The following PACS2 variants were observed in gnomAD, a reference collection of about 807,000 sequenced individuals.
PACS2 encodes the protein PACS1-like protein.
In PACS2, 36 loss-of-function variants were observed where a neutral mutation model predicts 113.0. That is an observed-to-expected ratio of 0.32 (90% CI 0.24 to 0.42). The LOEUF (loss-of-function observed/expected upper bound fraction) is 0.42, where lower values mean the gene tolerates loss of function less well. Among genes scored for constraint, PACS2 ranks in the 10% least tolerant of loss-of-function variants. The pLI is 1.00. For synonymous variants in PACS2, 589 were observed against 536.1 expected, an observed-to-expected ratio of 1.10 and a Z score of -1.36; for missense variants, 1,015 against 1,239.5, an observed-to-expected ratio of 0.82 and a Z score of 2.72.
chr14:105,360,109 A>G (rs1242826270), intron 4 of PACS2, among the ~76,000 whole-genome samples: 1 of 152,208 alleles, frequency 6.6e-6, no homozygotes, highest in African/African-American at 2.4e-5. Context: ...CCCCAATAAA[A>G]ACGGATATTG....
At position 105,391,258 on chromosome 14, in the gene PACS2, G is replaced by T; in HGVS notation, c.2119+9G>T. Reference sequence around the variant, plus strand: ...ATCCTCGGCCACATCAGGTAACCCCGTCCCACCCTGAGGCCTTGTGAGTGG... The same window carrying T: ...ATCCTCGGCCACATCAGGTAACCCCTTCCCACCCTGAGGCCTTGTGAGTGG... On this transcript the variant is annotated intron_variant, in intron 21 of 24. Coordinates refer to ENST00000447393, the MANE Select transcript of PACS2 (RefSeq NM_001100913.3). The T allele has an allele frequency of 3.7e-6, 6 of 1,609,194 alleles. No homozygotes were observed. Among genetic ancestry groups the T allele is most frequent in the Non-Finnish European group, 5.1e-6 (6 of 1,175,874 alleles).
At position 105,394,693 on chromosome 14, in the gene PACS2, ACCTCCTG is replaced by A. The variant is rs782201116; in HGVS notation, c.*24_*30del. The A allele has an allele frequency of 4.8e-6, 7 of 1,468,078 alleles. No homozygotes were observed. Among genetic ancestry groups the A allele is most frequent in the Non-Finnish European group, 6.7e-6 (7 of 1,047,194 alleles). 90.9% of individuals were successfully genotyped at this position (1,468,078 alleles called of 1,614,324 possible). ...TCTAGCCCCACCCACCAGGGGGCCC[ACCTCCTG>A]CCCCATGCTGTGAGGGGCCCAGCTG... On this transcript the variant is annotated 3_prime_UTR_variant, in exon 25 of 25. Transcript: ENST00000447393.
rs376520036 is a variant in PACS2 at position 105,368,569 on chromosome 14, G to C, written c.741+30G>C. 388 of 1,559,882 alleles carry C rather than the reference G, an allele frequency of 2.5e-4. 1 individual carries two copies. Among genetic ancestry groups the C allele is most frequent in the Non-Finnish European group, 5.8e-5 (66 of 1,130,784 alleles). On this transcript the variant is annotated intron_variant, in intron 7 of 24. Transcript: ENST00000447393. ...GTGGAGACTGCTTCTATGAATGCTG[G>C]GGAAGGCGAGGGTCGGGGAGGACGC...
rs1199397631 is a variant in PACS2 at position 105,323,081 on chromosome 14, A to G, written c.119+8044A>G. On this transcript the variant is annotated intron_variant, in intron 1 of 24. Transcript: ENST00000447393. This position sits in a 1 kb window ranked among gnomAD's most constrained non-coding sequence, Gnocchi z 4.1. ...GAGACGTCTGGGTGGCTTTGTGGTC[A>G]TGTCATCGTTGCCAACGGTCGTCTC... Among the ~76,000 whole-genome samples the G allele has an allele frequency of 6.6e-6, 1 of 152,096 alleles. No homozygotes were observed. Among genetic ancestry groups the G allele is most frequent in the African/African-American group, 2.4e-5 (1 of 41,406 alleles).
In PACS2 at chr14:105,382,587, G is replaced by C. The variant is rs370156226; in HGVS notation, c.1518+6G>C. 6.4e-7 allele frequency: 1 copy of C among 1,564,030 alleles called. No individual in the cohort carries two copies. Among genetic ancestry groups the C allele is most frequent in the Admixed American group, 1.7e-5 (1 of 59,984 alleles). On this transcript the variant is annotated splice_donor_region_variant and intron_variant, in intron 14 of 24. Transcript: ENST00000447393. ...CCTCGGACTGGCAGGGGCAGGTAGA[G>C]GGGCAGTCTCTTGGAGTGGAGGGTC...
At chr14:105,362,241 A>AT in intron 4 of PACS2, among the ~76,000 whole-genome samples, 1 of 150,660 alleles carries the variant, frequency 6.6e-6, no homozygotes, top group East Asian at 2.0e-4. Flanking sequence ...ACACAGTGAA[A>AT]CACCGTCTCT....
intron 11 of PACS2, 22 bp downstream of exon 11, chr14:105,380,176 C>T (rs1555411591): frequency 6.5e-7 from 1 of 1,540,272 alleles, no homozygotes; most frequent in South Asian, 1.2e-5. Flanking sequence ...TGGGCCGCAC[C>T]CACCCGTTCC....
At chr14:105,335,583 C>G (rs1174268636) in intron 1 of PACS2, among the ~76,000 whole-genome samples, 2 of 152,224 alleles carry the variant, frequency 1.3e-5, no homozygotes, top group Admixed American at 6.5e-5. Flanking sequence ...CTGAGGTGGC[C>G]CCTCACTGGG....
Position 105,365,881 on chromosome 14 carries a change from C to G in PACS2, c.424-1332C>G, listed in dbSNP as rs1336540776. 6.6e-6 allele frequency among the ~76,000 whole-genome samples: 1 copy of G among 152,256 alleles called. No individual in the cohort carries two copies. The highest frequency in any genetic ancestry group is 1.5e-5 in the Non-Finnish European group (1 of 68,042). On this transcript the variant is annotated intron_variant, in intron 4 of 24. Coordinates refer to ENST00000447393, the MANE Select transcript of PACS2 (RefSeq NM_001100913.3). The surrounding 1 kb of genome is among the most constrained non-coding windows in gnomAD (Gnocchi z 5.1). ...TCCAAGTACGTGAAGCTGCGTGTGC[C>G]CCGGCGAGTTGTGGGCACGAGGGCG...
chr14:105,378,643 C>T lies in PACS2; in HGVS notation c.960-1096C>T, dbSNP rs149115205. Among the ~76,000 whole-genome samples the T allele has an allele frequency of 7.2e-4, 109 of 152,348 alleles. 1 individual carries two copies. Among genetic ancestry groups the T allele is most frequent in the African/African-American group, 2.5e-3 (105 of 41,582 alleles). ...AGGCTGGTCTCGAACTGAGCTCAAG[C>T]GAACCACCTGCCTTGGCCACCCAAA... On this transcript the variant is annotated intron_variant, in intron 9 of 24. Coordinates refer to ENST00000447393, the MANE Select transcript of PACS2 (RefSeq NM_001100913.3).
At chr14:105,388,393 T>TG (rs1420771521) in intron 19 of PACS2, among the ~76,000 whole-genome samples, 1 of 152,360 alleles carries the variant, frequency 6.6e-6, no homozygotes, top group East Asian at 1.9e-4. Context: ...GGGCACACTT[T>TG]GTGGGGAGCA....
In PACS2 at chr14:105,355,110, A is replaced by G. The variant is rs1555405087; in HGVS notation, c.356A>G (p.Lys119Arg). ...CTTCAGATCATGCTGCAGCGCAGAA[A>G]GCGCTACAAGAACAGAACCATCCTG... ...NKLQIMLQRR[K>R]RYKNRTILGY... Residue 119 changes from lysine to arginine, a missense_variant, in exon 4 of 25, where the codon AAG becomes AGG. Lys to Arg is a conservative substitution (Grantham distance 26). Coordinates refer to ENST00000447393, the MANE Select transcript of PACS2 (RefSeq NM_001100913.3). This position sits in a 1 kb window ranked among gnomAD's most constrained non-coding sequence, Gnocchi z 4.1. 1 of 1,613,020 alleles carries G rather than the reference A, an allele frequency of 6.2e-7. No individual in the cohort carries two copies. The highest frequency in any genetic ancestry group is 8.5e-7 in the Non-Finnish European group (1 of 1,179,444).
chr14:105,327,365 G>A (rs940520496), intron 1 of PACS2, among the ~76,000 whole-genome samples: 1 of 152,228 alleles, frequency 6.6e-6, no homozygotes, highest in Non-Finnish European at 1.5e-5. Context: ...CCTGAGCACT[G>A]GGGATCGTGG....
At chr14:105,328,519 C>T (rs980856299) in intron 1 of PACS2, among the ~76,000 whole-genome samples, 5 of 152,218 alleles carry the variant, frequency 3.3e-5, no homozygotes, top group African/African-American at 1.2e-4. Context: ...AGGCTGCTCT[C>T]GAGGACACTG....
In PACS2 at chr14:105,323,466, C is replaced by T. The variant is rs184321465; in HGVS notation, c.119+8429C>T. On this transcript the variant is annotated intron_variant, in intron 1 of 24. Coordinates refer to ENST00000447393, the MANE Select transcript of PACS2 (RefSeq NM_001100913.3). The surrounding 1 kb of genome is among the most constrained non-coding windows in gnomAD (Gnocchi z 4.1). ...CCTGCACGAGACTCTCACGGCGGGA[C>T]CCTGTCTGCCTTGCTCGGTGCTGCC... Among the ~76,000 whole-genome samples the T allele has an allele frequency of 6.6e-6, 1 of 152,360 alleles. No individual in the cohort carries two copies. The highest frequency in any genetic ancestry group is 6.5e-5 in the Admixed American group (1 of 15,304).
intron 4 of PACS2, among the ~76,000 whole-genome samples, chr14:105,363,168 G>A (rs1321424792): frequency 6.6e-6 from 1 of 152,184 alleles, no homozygotes; most frequent in African/African-American, 2.4e-5. Flanking sequence ...AGGATTTCAG[G>A]AATGGTAAAT....
At chr14:105,314,516 T>A (rs906991047), upstream of PACS2, 1 of 145,750 alleles carries the variant, frequency 6.9e-6, no homozygotes, top group Non-Finnish European at 1.5e-5. Flanking sequence ...GTGCGCGCTC[T>A]CGCGCACCGG....
intron 1 of PACS2, among the ~76,000 whole-genome samples, chr14:105,320,394 G>A (rs192176331): frequency 6.6e-6 from 1 of 152,048 alleles, no homozygotes; most frequent in African/African-American, 2.4e-5. Flanking sequence ...TTTTGAGACA[G>A]GGTCTTGCTC....
intron 16 of PACS2, chr14:105,384,062 A>G: frequency 4.9e-6 from 2 of 411,582 alleles, no homozygotes; most frequent in Non-Finnish European, 8.8e-6. Flanking sequence ...CCGACGTCAG[A>G]GCCCTGAGCC....
Sources: allele counts gnomAD v4.1 joint callset (sites outside exome capture counted in the v4.1 genomes callset), GRCh38; gene constraint gnomAD v4.1.1; non-coding constraint Gnocchi (gnomAD v3.1); transcripts MANE v1.5; gene names NCBI Gene and HGNC (gene_info 2026-07-23, HGNC 2026-07-21).